Variants in ATP9A observed in about 807,000 individuals in gnomAD.
ATP9A encodes the protein ATPase phospholipid transporting 9A, also known as probable phospholipid-transporting ATPase IIA.
ATP9A carries 52 observed loss-of-function variants against 144.1 expected under a neutral mutation model. The observed-to-expected ratio is 0.36, with a 90% CI of 0.29 to 0.45. The LOEUF is 0.45. Ranked by LOEUF, ATP9A falls within the 20% of genes least tolerant of loss-of-function variation. The pLI is 1.00. For synonymous variants in ATP9A, 582 were observed against 557.4 expected (o/e 1.04, Z -0.62); for missense variants, 947 against 1,392.7 (o/e 0.68, Z 5.09).
At chr20:51,695,653 T>G (rs1269269524) in intron 6 of ATP9A, among the ~76,000 whole-genome samples, 1 of 152,094 alleles carries the variant, frequency 6.6e-6, no homozygotes, top group Non-Finnish European at 1.5e-5. Context: ...GTCCCCTGAC[T>G]CATGAACAAA....
intron 27 of ATP9A, among the ~76,000 whole-genome samples, chr20:51,602,399 G>A (rs765040157): frequency 2.0e-5 from 3 of 152,140 alleles, no homozygotes; most frequent in Non-Finnish European, 2.9e-5. Context: ...CCTCTGACCC[G>A]GTCCTGTGGT....
At chr20:51,689,842 G>A (rs2077539212) in intron 8 of ATP9A, among the ~76,000 whole-genome samples, 1 of 151,664 alleles carries the variant, frequency 6.6e-6, no homozygotes, top group Admixed American at 6.6e-5. Context: ...CAGGTGTGGT[G>A]GCTCACACCT....
At chr20:51,610,718 G>A (rs1432699031) in intron 23 of ATP9A, among the ~76,000 whole-genome samples, 1 of 152,146 alleles carries the variant, frequency 6.6e-6, no homozygotes, top group East Asian at 1.9e-4. Flanking sequence ...CATGCACGCT[G>A]CTAACCAAAG....
chr20:51,632,290 C>A lies in ATP9A; in HGVS notation c.1669-3218G>T, dbSNP rs576740312. Among the ~76,000 whole-genome samples, 10 of 152,248 alleles carry A rather than the reference C, an allele frequency of 6.6e-5. No individual in the cohort carries two copies. The South Asian group carries it at 1.9e-3, about 28-fold the overall frequency. The stretch of plus-strand genomic sequence containing the variant: ...AGAGGTGGAGTCTGGCAATGATGCC[C>A]AGGCTGGACTGAAACTCGTTGGCTC... On this transcript the variant is annotated intron_variant, in intron 15 of 27. Coordinates refer to ENST00000338821, the MANE Select transcript of ATP9A (RefSeq NM_006045.3).
At chr20:51,605,480 T>C (rs1229176952) in intron 26 of ATP9A, among the ~76,000 whole-genome samples, 1 of 152,134 alleles carries the variant, frequency 6.6e-6, no homozygotes, top group Non-Finnish European at 1.5e-5. Context: ...TAGCCAGGCA[T>C]GGTGGCATGC....
chr20:51,744,404 G>A (rs548146615), intron 1 of ATP9A, among the ~76,000 whole-genome samples: 3 of 152,264 alleles, frequency 2.0e-5, no homozygotes, highest in East Asian at 1.9e-4. Context: ...GACCTCAGGT[G>A]ATACACCTGC....
intron 1 of ATP9A, among the ~76,000 whole-genome samples, chr20:51,752,242 A>C (rs1399417607): frequency 6.6e-6 from 1 of 152,168 alleles, no homozygotes; most frequent in Non-Finnish European, 1.5e-5. Context: ...GTTTCCTGGA[A>C]AATAAAACAA....
At chr20:51,664,457 G>A (rs1415694764) in intron 13 of ATP9A, among the ~76,000 whole-genome samples, 4 of 151,900 alleles carry the variant, frequency 2.6e-5, no homozygotes, top group African/African-American at 9.7e-5. Flanking sequence ...GTATGGTGAC[G>A]CATGCCTGTG....
chr20:51,702,115 T>C (rs535064371), intron 4 of ATP9A, among the ~76,000 whole-genome samples: 2 of 151,682 alleles, frequency 1.3e-5, no homozygotes, highest in East Asian at 1.9e-4. Context: ...CTGGCCAACA[T>C]AGTGAAACCC....
intron 19 of ATP9A, among the ~76,000 whole-genome samples, chr20:51,620,138 T>C (rs1230840806): frequency 1.3e-5 from 2 of 152,180 alleles, no homozygotes; most frequent in Non-Finnish European, 2.9e-5. Context: ...ATGTTAACTA[T>C]TGTAGGCTTT....
intron 1 of ATP9A, chr20:51,734,563 C>A (rs1378895678): frequency 6.6e-6 from 1 of 152,222 alleles, no homozygotes; most frequent in Non-Finnish European, 1.5e-5. Flanking sequence ...CCACACACAA[C>A]CAGGCCCGAA....
intron 7 of ATP9A, among the ~76,000 whole-genome samples, chr20:51,693,126 T>C (rs1171333731): frequency 6.6e-6 from 1 of 152,126 alleles, no homozygotes; most frequent in Non-Finnish European, 1.5e-5. Flanking sequence ...CTGCGCCCCA[T>C]CATACACACT....
chr20:51,705,949 C>A lies in ATP9A; in HGVS notation c.436+7017G>T, dbSNP rs569024768. Among the ~76,000 whole-genome samples the A allele has an allele frequency of 1.0e-3, 156 of 152,216 alleles. No homozygotes were observed. The Middle Eastern group carries it at 0.01, about 10-fold the overall frequency. On this transcript the variant is annotated intron_variant, in intron 4 of 27. Transcript: ENST00000338821. The stretch of plus-strand genomic sequence containing the variant: ...TAGGAAGACAGCTCTATAATTAAAA[C>A]CATAAAAACTCATAAAGGTCTAAGA...
intron 1 of ATP9A, among the ~76,000 whole-genome samples, chr20:51,765,641 T>TAAAAAAAAAAAAAAAAA (rs1332324622): frequency 2.1e-5 from 1 of 46,746 alleles, no homozygotes; most frequent in African/African-American, 9.4e-5. Flanking sequence ...AAGCTACATC[T>TAAAAAAAAAAAAAAAAA]CAAAAAAAAA....
chr20:51,633,136 CA>C (rs2077276521), intron 15 of ATP9A, among the ~76,000 whole-genome samples: 1 of 151,750 alleles, frequency 6.6e-6, no homozygotes, highest in South Asian at 2.1e-4. Context: ...AAAACAAAAA[CA>C]AAACAAAACA....
In ATP9A at chr20:51,667,060, AC is replaced by A. The variant is rs368377331; in HGVS notation, c.1293+2936del. On this transcript the variant is annotated intron_variant, in intron 13 of 27. Coordinates refer to ENST00000338821, the MANE Select transcript of ATP9A (RefSeq NM_006045.3). ...CCCCAGCCTCGCACAGCTAACCCTAACCCCACAACACACAGCTGTGTCAGAC... is the reference window on the plus strand; with the variant it reads ...CCCCAGCCTCGCACAGCTAACCCTAACCCACAACACACAGCTGTGTCAGAC... Among the ~76,000 whole-genome samples, 662 of 152,118 alleles carry A rather than the reference AC, an allele frequency of 4.4e-3. 8 individuals carry two copies. The highest frequency in any genetic ancestry group is 0.015 in the African/African-American group (622 of 41,490).
intron 9 of ATP9A, among the ~76,000 whole-genome samples, chr20:51,677,110 T>A (rs868591823): frequency 7.9e-5 from 12 of 151,718 alleles, no homozygotes; most frequent in South Asian, 2.1e-4. Context: ...ATTTTTGTTT[T>A]TTTTGTAGAA....
chr20:51,616,374 A>G (rs1403098893), intron 22 of ATP9A, among the ~76,000 whole-genome samples: 1 of 152,138 alleles, frequency 6.6e-6, no homozygotes, highest in Non-Finnish European at 1.5e-5. Flanking sequence ...GCAAGAGTAC[A>G]GTGGCTCAAT....
chr20:51,729,914 G>A lies in ATP9A; in HGVS notation c.133C>T (p.His45Tyr). ...TACCTCTGGTCTCTCTTCTCGGGGT[G>A]CCCCAGCCAGACAGTGCGGGGCCTG... ...EARPRTVWLGHPEKRDQRYPR... is the reference protein window; with the variant it reads ...EARPRTVWLGYPEKRDQRYPR... The change falls in exon 2 of 28, where the codon CAC (histidine) becomes TAC (tyrosine). Residue 45 changes from histidine (H) to tyrosine (Y), a missense_variant. His to Tyr is a moderately conservative substitution (Grantham distance 83). This residue lies in a region of ATP9A where 770 missense variants were observed against 1,047.9 expected (regional missense o/e 0.73). Transcript: ENST00000338821. 1 of 1,605,286 alleles carries A rather than the reference G, an allele frequency of 6.2e-7. No homozygotes were observed. Among genetic ancestry groups the A allele is most frequent in the Non-Finnish European group, 8.5e-7 (1 of 1,177,466 alleles).
Sources: gnomAD v4.1 joint callset for allele counts (sites outside exome capture counted in the v4.1 genomes callset) on GRCh38, gnomAD v4.1.1 for gene constraint, gnomAD v4.1.1 regional missense constraint, MANE v1.5 for transcripts, NCBI Gene and HGNC (gene_info 2026-07-23, HGNC 2026-07-21) for gene names.